Variants in POF1B observed in about 807,000 individuals in gnomAD.
POF1B encodes the protein POF1B actin binding protein, also known as protein POF1B.
A neutral mutation model predicts 55.3 loss-of-function variants in POF1B; 53 were observed. That is an observed-to-expected ratio of 0.96 (90% CI 0.77 to 1.20). The LOEUF is 1.20. Among genes scored for constraint, POF1B ranks in the 50% most tolerant of loss-of-function variants. The pLI, the probability that POF1B is intolerant of heterozygous loss-of-function variation, is 0.00. For missense variants in POF1B, 478 were observed against 420.5 expected, an observed-to-expected ratio of 1.14 and a Z score of -1.20; for synonymous variants, 188 against 148.3, an observed-to-expected ratio of 1.27 and a Z score of -1.95.
At chrX:85,361,056 C>T (rs1296844299) in intron 3 of POF1B, among the ~76,000 whole-genome samples, 1 of 111,223 alleles carries the variant, frequency 9.0e-6, no homozygotes, top group African/African-American at 3.3e-5. Flanking sequence ...TGTCCTTTGC[C>T]TACTTTTTAA....
At chrX:85,301,730 G>A (rs1329594836) in intron 15 of POF1B, among the ~76,000 whole-genome samples, 1 of 111,939 alleles carries the variant, frequency 8.9e-6, no homozygotes, top group African/African-American at 3.2e-5. Context: ...AAGAAGGCAG[G>A]AATGGAGGAA....
intron 6 of POF1B, among the ~76,000 whole-genome samples, chrX:85,342,335 T>C (rs1415935505): frequency 8.9e-6 from 1 of 111,857 alleles, no homozygotes; most frequent in African/African-American, 3.2e-5. Flanking sequence ...TTAAAGGTGA[T>C]CTAGTTTCAT....
At chrX:85,344,244 A>G (rs1244332730) in intron 6 of POF1B, among the ~76,000 whole-genome samples, 1 of 110,761 alleles carries the variant, frequency 9.0e-6, no homozygotes, top group Non-Finnish European at 1.9e-5. Context: ...TTTTTCTGAA[A>G]CCCAGAATTT....
chrX:85,296,002 T>C (rs749256091), intron 15 of POF1B, among the ~76,000 whole-genome samples: 1 of 112,638 alleles, frequency 8.9e-6, no homozygotes, highest in East Asian at 2.8e-4. Flanking sequence ...CTTCTTTGTC[T>C]TTCTTGATTG....
intron 6 of POF1B, among the ~76,000 whole-genome samples, chrX:85,332,823 T>A (rs1295222031): frequency 4.5e-5 from 5 of 111,241 alleles, no homozygotes; most frequent in African/African-American, 1.3e-4. Context: ...AGTTATCTTG[T>A]CCATGTACCC....
intron 9 of POF1B, among the ~76,000 whole-genome samples, chrX:85,311,756 A>G (rs1481191037): frequency 8.9e-6 from 1 of 111,779 alleles, no homozygotes; most frequent in Non-Finnish European, 1.9e-5. Context: ...TCCTTGAGGA[A>G]GCGCCACACT....
chrX:85,358,051 G>T (rs754280633), intron 4 of POF1B, among the ~76,000 whole-genome samples: 1 of 111,146 alleles, frequency 9.0e-6, no homozygotes, highest in Non-Finnish European at 1.9e-5. Context: ...GTAAGTCATC[G>T]AATCTTGTTA....
At position 85,305,882 on chromosome X, in the gene POF1B, A is replaced by G; in HGVS notation, c.1346T>C (p.Leu449Ser). ...GCCAATCTCATCCATTTTAGCCTGC[A>G]ACATTGGGCCTGTGCAAGTCTCAGA... ...QVSETCTGPMLQAKMDEIGNH... is the reference protein window; with the variant it reads ...QVSETCTGPMSQAKMDEIGNH... The change falls in exon 13 of 17, where the codon TTG becomes TCG. Residue 449 changes from leucine to serine, a missense_variant. Leu to Ser is a moderately radical substitution (Grantham distance 145). Coordinates refer to ENST00000262753, the MANE Select transcript of POF1B (RefSeq NM_024921.4). 8.3e-7 allele frequency: 1 copy of G among 1,210,254 alleles called. No homozygotes were observed. Among genetic ancestry groups the G allele is most frequent in the Non-Finnish European group, 1.1e-6 (1 of 894,466 alleles).
chrX:85,335,959 C>CT (rs35694708), intron 6 of POF1B, among the ~76,000 whole-genome samples: 1,116 of 109,698 alleles, frequency 0.01, 9 homozygotes, highest in Admixed American at 0.033. Flanking sequence ...CTTTCTAATT[C>CT]TTTTTTGTGC....
At chrX:85,299,811 A>G (rs1481190266) in intron 15 of POF1B, among the ~76,000 whole-genome samples, 1 of 112,423 alleles carries the variant, frequency 8.9e-6, no homozygotes, top group Non-Finnish European at 1.9e-5. Context: ...CCCGACCCTT[A>G]AAACAATCTG....
intron 9 of POF1B, among the ~76,000 whole-genome samples, chrX:85,312,367 G>A (rs1223380052): frequency 8.9e-6 from 1 of 111,750 alleles, no homozygotes; most frequent in Non-Finnish European, 1.9e-5. Flanking sequence ...TGTAAGGAAG[G>A]GGTCCAGTTT....
At chrX:85,361,892 T>C (rs1276615104) in intron 3 of POF1B, among the ~76,000 whole-genome samples, 1 of 110,366 alleles carries the variant, frequency 9.1e-6, no homozygotes, top group Non-Finnish European at 1.9e-5. Flanking sequence ...CTTTGAGCAG[T>C]GTTTTGTAAT....
intron 9 of POF1B, among the ~76,000 whole-genome samples, chrX:85,312,263 GA>G (rs1157005065): frequency 8.9e-6 from 1 of 111,757 alleles, no homozygotes; most frequent in Non-Finnish European, 1.9e-5. Flanking sequence ...CCTATGTCCT[GA>G]ATGGTATTGC....
chrX:85,295,420 T>C (rs186870952), intron 15 of POF1B, among the ~76,000 whole-genome samples: 1 of 111,620 alleles, frequency 9.0e-6, no homozygotes, highest in Admixed American at 9.5e-5. Flanking sequence ...GATATGTTAT[T>C]TCTCTATTTT....
intron 4 of POF1B, among the ~76,000 whole-genome samples, chrX:85,354,939 C>T (rs762511935): frequency 4.5e-5 from 5 of 111,108 alleles, no homozygotes; most frequent in Admixed American, 9.6e-5. Context: ...ACTTTCTTCA[C>T]GGAATTGGAA....
chrX:85,280,569 G>T (rs1931873706), intron 16 of POF1B, among the ~76,000 whole-genome samples: 1 of 111,170 alleles, frequency 9.0e-6, no homozygotes, highest in Admixed American at 9.6e-5. Flanking sequence ...ATCCCACAAG[G>T]ATAACCATTT....
intron 15 of POF1B, among the ~76,000 whole-genome samples, chrX:85,292,516 G>A (rs1932214344): frequency 8.9e-6 from 1 of 112,018 alleles, no homozygotes; most frequent in African/African-American, 3.3e-5. Flanking sequence ...AATGGTCCCA[G>A]CTCCTCTTTG....
At chrX:85,334,503 G>T (rs34691408) in intron 6 of POF1B, among the ~76,000 whole-genome samples, 1 of 111,168 alleles carries the variant, frequency 9.0e-6, no homozygotes, top group Non-Finnish European at 1.9e-5. Flanking sequence ...AATGAAGTAC[G>T]TTTAATCGGA....
chrX:85,379,523 G>GA (rs1021351141), intron 1 of POF1B, 28 bp from the exon 2 acceptor site: 18 of 1,095,732 alleles, frequency 1.6e-5, no homozygotes, highest in South Asian at 1.1e-4. Context: ...AAATATAATG[G>GA]AAAAAAAAGA....
Sources: allele counts gnomAD v4.1 joint callset (sites outside exome capture counted in the v4.1 genomes callset), GRCh38; gene constraint gnomAD v4.1.1; transcripts MANE v1.5; gene names NCBI Gene and HGNC (gene_info 2026-07-23, HGNC 2026-07-21).